Variants in SAMD12 observed in about 807,000 individuals in gnomAD.
The protein encoded by SAMD12 is sterile alpha motif domain-containing protein 12.
A neutral mutation model predicts 15.0 loss-of-function variants in SAMD12; 9 were observed. The ratio of observed to expected loss-of-function variants is 0.60; its 90% CI spans 0.36 to 1.05. SAMD12 has a LOEUF of 1.05. Ranked by LOEUF, SAMD12 falls within the 50% of genes least tolerant of loss-of-function variation. The pLI is 0.01. For synonymous variants in SAMD12, 86 were observed against 90.1 expected, an observed-to-expected ratio of 0.96 and a Z score of 0.25; for missense variants, 230 against 234.2, an observed-to-expected ratio of 0.98 and a Z score of 0.12.
chr8:118,284,007 A>G (rs995621039), intron 4 of SAMD12, among the ~76,000 whole-genome samples: 1 of 152,168 alleles, frequency 6.6e-6, no homozygotes, highest in African/African-American at 2.4e-5. Context: ...GTGTGGACTC[A>G]TTTTCAAAGA....
At chr8:118,146,642 G>A in the SAMD12 span, among the ~76,000 whole-genome samples, 1 of 152,180 alleles carries the variant, frequency 6.6e-6, no homozygotes, top group East Asian at 1.9e-4. Context: ...TCTCCCGGTA[G>A]GAGAGAAATC....
chr8:118,147,144 C>T, the SAMD12 span, among the ~76,000 whole-genome samples: 1 of 151,870 alleles, frequency 6.6e-6, no homozygotes, highest in African/African-American at 2.4e-5. Flanking sequence ...CATGCCTCAG[C>T]CTCCTGAGTA....
At chr8:118,400,154 A>G (rs1586667417) in intron 3 of SAMD12, 1 of 152,336 alleles carries the variant, frequency 6.6e-6, no homozygotes, top group East Asian at 1.9e-4. Context: ...ACACACAAAC[A>G]TTTATGTGTA....
intron 2 of SAMD12, among the ~76,000 whole-genome samples, chr8:118,542,637 C>G (rs1011475903): frequency 6.6e-6 from 1 of 152,192 alleles, no homozygotes; most frequent in African/African-American, 2.4e-5. Flanking sequence ...AATTTTATGA[C>G]AATCACTTTT....
At chr8:118,370,286 A>G (rs1346928495) in intron 4 of SAMD12, among the ~76,000 whole-genome samples, 1 of 152,206 alleles carries the variant, frequency 6.6e-6, no homozygotes, top group Non-Finnish European at 1.5e-5. Flanking sequence ...AAGAAAAAAC[A>G]GATGCTGGTG....
chr8:118,496,770 C>T (rs999683455), intron 2 of SAMD12, among the ~76,000 whole-genome samples: 1 of 151,796 alleles, frequency 6.6e-6, no homozygotes, highest in Non-Finnish European at 1.5e-5. Context: ...ATCAACAGAG[C>T]AAACAGAAAA....
At chr8:118,395,589 A>G (rs1236890182) in intron 3 of SAMD12, among the ~76,000 whole-genome samples, 1 of 152,190 alleles carries the variant, frequency 6.6e-6, no homozygotes, top group Non-Finnish European at 1.5e-5. Context: ...CATTGTTTTA[A>G]GTAACACTTT....
At chr8:118,279,829 G>A (rs1813567740) in intron 4 of SAMD12, among the ~76,000 whole-genome samples, 1 of 152,176 alleles carries the variant, frequency 6.6e-6, no homozygotes, top group Admixed American at 6.5e-5. Flanking sequence ...TCTTTTCAGG[G>A]CAAATTATGG....
At chr8:118,472,088 C>A (rs536684544) in intron 2 of SAMD12, among the ~76,000 whole-genome samples, 12 of 151,936 alleles carry the variant, frequency 7.9e-5, no homozygotes, top group Admixed American at 7.2e-4. Context: ...GAGATCGAGA[C>A]CATCCTGGCT....
intron 2 of SAMD12, among the ~76,000 whole-genome samples, chr8:118,508,573 T>C (rs1013125061): frequency 6.6e-6 from 1 of 152,212 alleles, no homozygotes; most frequent in Non-Finnish European, 1.5e-5. Context: ...AAAGACACCT[T>C]CGTGTCATTT....
intron 2 of SAMD12, among the ~76,000 whole-genome samples, chr8:118,471,182 AT>A (rs139534185): frequency 0.037 from 5,522 of 149,910 alleles, 322 homozygotes; most frequent in African/African-American, 0.13. Flanking sequence ...TGGTCACAGC[AT>A]TTTTTTTTTC....
intron 2 of SAMD12, among the ~76,000 whole-genome samples, chr8:118,468,806 T>G (rs1262509669): frequency 2.0e-5 from 3 of 152,184 alleles, no homozygotes; most frequent in African/African-American, 4.8e-5. Context: ...CTTGTCACTG[T>G]GCAGAGAAGG....
chr8:118,309,780 C>T (rs1486767294), intron 4 of SAMD12, among the ~76,000 whole-genome samples: 2 of 152,180 alleles, frequency 1.3e-5, no homozygotes, highest in Non-Finnish European at 2.9e-5. Context: ...TCACTTAGCT[C>T]CTGGGTCTCT....
At chr8:118,158,042 G>C in the SAMD12 span, among the ~76,000 whole-genome samples, 45 of 152,288 alleles carry the variant, frequency 3.0e-4, no homozygotes, top group African/African-American at 9.9e-4. Context: ...ACAAGGGTGA[G>C]AGTCCAGGGA....
chr8:118,512,397 A>ATCTG (rs1241043974), intron 2 of SAMD12, among the ~76,000 whole-genome samples: 10 of 152,260 alleles, frequency 6.6e-5, no homozygotes, highest in African/African-American at 2.4e-4. Context: ...ATAAATATCT[A>ATCTG]TTTTATGATT....
chr8:118,439,195 A>G (rs143693525), intron 3 of SAMD12, among the ~76,000 whole-genome samples: 19 of 152,306 alleles, frequency 1.2e-4, no homozygotes, highest in Admixed American at 6.5e-4. Context: ...AATACCCTTG[A>G]TCTAAATGGA....
chr8:118,457,444 T>C lies in SAMD12; in HGVS notation c.193-17483A>G, dbSNP rs186609494. Among the ~76,000 whole-genome samples the C allele has an allele frequency of 9.2e-5, 14 of 152,114 alleles. No homozygotes were observed. In the East Asian group the frequency reaches 2.7e-3, roughly 29 times the overall value. On this transcript the variant is annotated intron_variant, in intron 2 of 3. Transcript: ENST00000314727. ...CAGGGTCTCACTATGTTGCCCAGGCTAGTCTTCAACTCCTGGTCTGAAGCA... is the reference window on the plus strand; with the variant it reads ...CAGGGTCTCACTATGTTGCCCAGGCCAGTCTTCAACTCCTGGTCTGAAGCA...
chr8:118,237,621 G>T (rs545934624), intron 4 of SAMD12, among the ~76,000 whole-genome samples: 2 of 152,284 alleles, frequency 1.3e-5, no homozygotes, highest in East Asian at 3.9e-4. Flanking sequence ...ACTATGAGAG[G>T]AATTGGAAGG....
chr8:118,302,311 T>C (rs1395464182), intron 4 of SAMD12, among the ~76,000 whole-genome samples: 1 of 152,124 alleles, frequency 6.6e-6, no homozygotes, highest in African/African-American at 2.4e-5. Flanking sequence ...ATTCATTTAG[T>C]TCTTTGCTCA....
Sources: gnomAD v4.1 joint callset for allele counts (sites outside exome capture counted in the v4.1 genomes callset) on GRCh38, gnomAD v4.1.1 for gene constraint, MANE v1.5 for transcripts, NCBI Gene and HGNC (gene_info 2026-07-23, HGNC 2026-07-21) for gene names.